The following SLC36A4 variants were observed in gnomAD, a reference collection of about 807,000 sequenced individuals.
The protein encoded by SLC36A4 is neutral amino acid uniporter 4.
Under a neutral mutation model 50.5 loss-of-function variants are expected in SLC36A4, and 49 were observed. That is an observed-to-expected ratio of 0.97 (90% CI 0.77 to 1.23). The LOEUF (loss-of-function observed/expected upper bound fraction) is 1.23, where lower values mean the gene tolerates loss of function less well. Ranked by LOEUF, SLC36A4 falls within the 50% of genes most tolerant of loss-of-function variation. The pLI is 0.00. For synonymous variants in SLC36A4, 207 were observed against 206.5 expected (o/e 1.00, Z -0.02); for missense variants, 611 against 608.4 (o/e 1.00, Z -0.05).
chr11:93,167,509 C>T (rs1273184952), intron 7 of SLC36A4: 1 of 153,322 alleles, frequency 6.5e-6, no homozygotes, highest in African/African-American at 2.4e-5. Flanking sequence ...AAAGGGATTA[C>T]AGACTAGTGT....
At chr11:93,165,378 A>G (rs1353372334) in intron 8 of SLC36A4, among the ~76,000 whole-genome samples, 1 of 152,146 alleles carries the variant, frequency 6.6e-6, no homozygotes, top group African/African-American at 2.4e-5. Flanking sequence ...TCTTGGTATT[A>G]GCTTTATAAC....
chr11:93,176,523 G>A (rs1428722752), intron 6 of SLC36A4, among the ~76,000 whole-genome samples: 1 of 151,702 alleles, frequency 6.6e-6, no homozygotes, highest in Non-Finnish European at 1.5e-5. Context: ...CTCATTAGTT[G>A]ATGCAGTTTC....
At chr11:93,149,627 G>T (rs1295168392) in intron 10 of SLC36A4, among the ~76,000 whole-genome samples, 2 of 151,976 alleles carry the variant, frequency 1.3e-5, no homozygotes, top group Non-Finnish European at 2.9e-5. Flanking sequence ...CAAATTGAAA[G>T]AAATTCTACA....
In SLC36A4 at chr11:93,162,726, T is replaced by G; in HGVS notation, c.1017A>C (p.Leu339Phe). The G allele has an allele frequency of 6.2e-7, 1 of 1,610,422 alleles. No individual in the cohort carries two copies. The highest frequency in any genetic ancestry group is 8.5e-7 in the Non-Finnish European group (1 of 1,178,914). ...FHDEIKGSIT[L>F]NLPQDVWLYQ... ...CCTACCATACATCTTGGGGAAGATT[T>G]AAAGTTATGCTGCCTTTGATTTCAT... Residue 339 changes from leucine to phenylalanine, a missense_variant, in exon 9 of 11, where the codon TTA becomes TTC. Leu to Phe is a conservative substitution (Grantham distance 22, BLOSUM62 0). Transcript: ENST00000326402.
At position 93,174,961 on chromosome 11, in the gene SLC36A4, T is replaced by C. The variant is rs1861384486; in HGVS notation, c.540+5836A>G. 2.0e-5 allele frequency among the ~76,000 whole-genome samples: 3 copies of C among 151,082 alleles called. No individual in the cohort carries two copies. In the Admixed American group the frequency reaches 2.0e-4, roughly 10 times the overall value. On this transcript the variant is annotated intron_variant, in intron 6 of 10. Transcript: ENST00000326402. ...TGGTATCGGAATGATGCTGGCCTCATAAAATGAGTTAGGGAGGATTCCCTC... is the reference window on the plus strand; with the variant it reads ...TGGTATCGGAATGATGCTGGCCTCACAAAATGAGTTAGGGAGGATTCCCTC...
At chr11:93,185,554 CT>C in intron 2 of SLC36A4, 136 bp downstream of exon 2, 1 of 758,042 alleles carries the variant, frequency 1.3e-6, no homozygotes. Context: ...CCCAAATAGA[CT>C]ATAAACTCAT....
intron 1 of SLC36A4, among the ~76,000 whole-genome samples, chr11:93,189,670 A>T (rs1862134165): frequency 6.6e-6 from 1 of 152,202 alleles, no homozygotes; most frequent in Non-Finnish European, 1.5e-5. Flanking sequence ...TCTGTGCTGT[A>T]CTAAGCATAC....
chr11:93,154,479 A>C (rs1860257548), intron 9 of SLC36A4: 1 of 279,350 alleles, frequency 3.6e-6, no homozygotes, highest in South Asian at 1.5e-4. Flanking sequence ...CATTTTCACA[A>C]GACTGGAAAG....
intron 3 of SLC36A4, among the ~76,000 whole-genome samples, chr11:93,183,365 T>C (rs1292257461): frequency 6.6e-6 from 1 of 152,176 alleles, no homozygotes; most frequent in Admixed American, 6.5e-5. Context: ...TTTCAAAAAG[T>C]AGTAAATAAA....
chr11:93,172,974 C>T (rs1379131448), intron 6 of SLC36A4, among the ~76,000 whole-genome samples: 1 of 150,546 alleles, frequency 6.6e-6, no homozygotes, highest in African/African-American at 2.4e-5. Flanking sequence ...AATGGGATGG[C>T]TGGGTCAAAT....
intron 9 of SLC36A4, among the ~76,000 whole-genome samples, chr11:93,159,094 A>G (rs978334381): frequency 1.3e-5 from 2 of 152,112 alleles, no homozygotes; most frequent in Non-Finnish European, 2.9e-5. Context: ...AGAAACTACA[A>G]CCATTCAACA....
chr11:93,154,082 T>C (rs1262649119), intron 10 of SLC36A4, 26 bp downstream of exon 10: 3 of 1,093,716 alleles, frequency 2.7e-6, no homozygotes, highest in East Asian at 3.0e-5. Context: ...AAAATTATTA[T>C]GATATAAATA....
intron 9 of SLC36A4, among the ~76,000 whole-genome samples, chr11:93,161,812 GA>G (rs1860631736): frequency 6.6e-6 from 1 of 152,084 alleles, no homozygotes; most frequent in Non-Finnish European, 1.5e-5. Flanking sequence ...TGTAAATAAG[GA>G]AGTAAGTCTG....
chr11:93,161,222 A>G (rs1860604183), intron 9 of SLC36A4, among the ~76,000 whole-genome samples: 1 of 152,184 alleles, frequency 6.6e-6, no homozygotes, highest in Admixed American at 6.6e-5. Flanking sequence ...ACTTACTACC[A>G]TATTTTTAGC....
rs1860560611 is a variant in SLC36A4, at chr11:93,160,286, T to C, written c.1037+2420A>G. On this transcript the variant is annotated intron_variant, in intron 9 of 10. Coordinates refer to ENST00000326402, the MANE Select transcript of SLC36A4 (RefSeq NM_152313.4). ...AAGGCATTAACCAATGCAAATTCTC[T>C]AAAGGGAAATATGTGTCTTGACTGG... 6.1e-6 allele frequency: 6 copies of C among 985,444 alleles called. No homozygotes were observed. The South Asian group carries it at 2.8e-4, about 46-fold the overall frequency. 61.0% of individuals were successfully genotyped at this position (985,444 alleles called of 1,614,324 possible).
chr11:93,178,950 T>C (rs963043491), intron 6 of SLC36A4, among the ~76,000 whole-genome samples: 1 of 152,198 alleles, frequency 6.6e-6, no homozygotes, highest in African/African-American at 2.4e-5. Context: ...ACCCTAAGGT[T>C]ACCATTCCTT....
intron 1 of SLC36A4, chr11:93,197,525 C>A (rs1862479190): frequency 1.8e-6 from 1 of 541,980 alleles, no homozygotes; most frequent in Non-Finnish European, 3.2e-6. Flanking sequence ...ACTCAACACA[C>A]ACACTCACCC....
chr11:93,186,136 A>C (rs780291795), intron 1 of SLC36A4, among the ~76,000 whole-genome samples: 31 of 152,216 alleles, frequency 2.0e-4, no homozygotes, highest in Non-Finnish European at 4.1e-4. Context: ...GAAATGATCA[A>C]ATATATTTTC....
chr11:93,148,833 T>C lies in SLC36A4; in HGVS notation c.1219A>G (p.Ile407Val), dbSNP rs1359994484. The C allele has an allele frequency of 2.5e-6, 4 of 1,608,818 alleles. No homozygotes were observed. Among genetic ancestry groups the C allele is most frequent in the Non-Finnish European group, 3.4e-6 (4 of 1,178,386 alleles). Residue 407 changes from isoleucine (I) to valine (V), a missense_variant, in exon 11 of 11, where the codon ATT becomes GTT. Transcript: ENST00000326402. Reference protein sequence around the residue: ...FLVSITCAGAILIPRLDIVIS... With the variant: ...FLVSITCAGAVLIPRLDIVIS... Reference sequence around the variant, plus strand: ...ACAATGTCTAAACGAGGAATAAGAATTGCTCCGGCACCTAGAAAATGAAAA... The same window carrying C: ...ACAATGTCTAAACGAGGAATAAGAACTGCTCCGGCACCTAGAAAATGAAAA...
Sources: allele counts gnomAD v4.1 joint callset (sites outside exome capture counted in the v4.1 genomes callset), GRCh38; gene constraint gnomAD v4.1.1; transcripts MANE v1.5; gene names NCBI Gene and HGNC (gene_info 2026-07-23, HGNC 2026-07-21).